The following SLC24A3 variants were observed in gnomAD, a reference collection of about 807,000 sequenced individuals.
SLC24A3 encodes sodium/potassium/calcium exchanger 3.
SLC24A3 carries 28 observed loss-of-function variants against 75.8 expected under a neutral mutation model. The ratio of observed to expected loss-of-function variants is 0.37; its 90% CI spans 0.27 to 0.51. SLC24A3 has a LOEUF of 0.51. Among genes scored for constraint, SLC24A3 ranks in the 20% least tolerant of loss-of-function variants. The probability of loss-of-function intolerance (pLI) is 0.94; values close to 1 mark genes in which losing one functional copy is unlikely to be tolerated. For missense variants in SLC24A3, 663 were observed against 847.8 expected (o/e 0.78, Z 2.71); for synonymous variants, 372 against 334.1 (o/e 1.11, Z -1.24).
At chr20:19,249,166 G>A (rs1270509314) in intron 1 of SLC24A3, among the ~76,000 whole-genome samples, 1 of 152,088 alleles carries the variant, frequency 6.6e-6, no homozygotes, top group African/African-American at 2.4e-5. Flanking sequence ...ATTTGTCAAT[G>A]TGCAGTTGAA....
intron 3 of SLC24A3, among the ~76,000 whole-genome samples, chr20:19,517,459 GT>G (rs1297647102): frequency 6.6e-6 from 1 of 152,174 alleles, no homozygotes; most frequent in Non-Finnish European, 1.5e-5. Context: ...ACCCAGGAAG[GT>G]TTCTGGTGTC....
At chr20:19,537,771 T>C (rs1164629673) in intron 3 of SLC24A3, among the ~76,000 whole-genome samples, 1 of 149,908 alleles carries the variant, frequency 6.7e-6, no homozygotes, top group Non-Finnish European at 1.5e-5. Context: ...AGCAAACTAT[T>C]GCAAGGACAA....
intron 2 of SLC24A3, among the ~76,000 whole-genome samples, chr20:19,359,739 TG>T (rs2122338009): frequency 6.6e-6 from 1 of 152,322 alleles, no homozygotes; most frequent in East Asian, 1.9e-4. Context: ...CTCTGCTTTC[TG>T]ACTGTTTGGA....
At chr20:19,490,879 T>G (rs1248736876) in intron 2 of SLC24A3, among the ~76,000 whole-genome samples, 15 of 152,230 alleles carry the variant, frequency 9.9e-5, no homozygotes, top group Admixed American at 9.8e-4. Context: ...AATGGCTGGC[T>G]TGCAGGAAAC....
At chr20:19,416,046 G>C (rs896551281) in intron 2 of SLC24A3, among the ~76,000 whole-genome samples, 2 of 152,122 alleles carry the variant, frequency 1.3e-5, no homozygotes, top group Non-Finnish European at 2.9e-5. Context: ...TAACTCCACT[G>C]AGCCTCAGTT....
intron 15 of SLC24A3, among the ~76,000 whole-genome samples, chr20:19,704,083 A>G (rs896668076): frequency 5.9e-5 from 9 of 152,294 alleles, no homozygotes; most frequent in African/African-American, 2.2e-4. Flanking sequence ...CTATGCATTT[A>G]TTATTTTGTT....
intron 4 of SLC24A3, among the ~76,000 whole-genome samples, chr20:19,582,507 A>C (rs960463239): frequency 6.6e-6 from 1 of 152,242 alleles, no homozygotes; most frequent in African/African-American, 2.4e-5. Flanking sequence ...AGGCAAAGAA[A>C]AGAAAATGGG....
At chr20:19,360,089 G>A (rs371159789) in intron 2 of SLC24A3, among the ~76,000 whole-genome samples, 1 of 152,158 alleles carries the variant, frequency 6.6e-6, no homozygotes, top group South Asian at 2.1e-4. Flanking sequence ...TGGAAACTGG[G>A]GAGACCTCCA....
intron 2 of SLC24A3, among the ~76,000 whole-genome samples, chr20:19,496,121 G>A (rs6046142): frequency 0.13 from 19,939 of 152,158 alleles, 1,574 homozygotes; most frequent in Middle Eastern, 0.21. Flanking sequence ...GGCTGGCACA[G>A]GGAATGGAAA....
intron 2 of SLC24A3, among the ~76,000 whole-genome samples, chr20:19,493,415 G>GAA (rs906171685): frequency 1.2e-4 from 19 of 152,174 alleles, no homozygotes; most frequent in African/African-American, 4.6e-4. Flanking sequence ...ATTTACTGAT[G>GAA]AATGCAACAC....
intron 2 of SLC24A3, among the ~76,000 whole-genome samples, chr20:19,459,321 A>G (rs1385624029): frequency 2.0e-5 from 3 of 152,190 alleles, no homozygotes; most frequent in Non-Finnish European, 4.4e-5. Flanking sequence ...ACCTGCCACC[A>G]TGTGCCTCTA....
intron 15 of SLC24A3, among the ~76,000 whole-genome samples, chr20:19,707,798 A>G (rs1475855004): frequency 6.6e-6 from 1 of 152,240 alleles, no homozygotes. Flanking sequence ...ATTTAAGATG[A>G]CATACCAAAT....
chr20:19,322,365 CCCTTCCTTCCTTCCTTCCTTCCTTCCTT>C (rs59240769), intron 2 of SLC24A3, among the ~76,000 whole-genome samples: 1 of 80,022 alleles, frequency 1.2e-5, no homozygotes, highest in Non-Finnish European at 2.3e-5. Context: ...TTCCTTCCTT[CCCTTCCTTCCTTCCTTCCTTCCTTCCTT>C]CCTTCCTTCC....
chr20:19,585,442 G>A lies in SLC24A3; in HGVS notation c.510G>A (p.Gly170=), dbSNP rs995147257. The stretch of plus-strand genomic sequence containing the variant: ...GCTGATGTGGGATCTGTGTTTCAGG[G>A]GTCTTCATCACCAAAGGCGATGTGG... ...SAPELFTSVI[G]VFITKGDVGV... Residue 170 remains glycine, a splice_region_variant and synonymous_variant, in exon 6 of 17, where the codon GGG becomes GGA. Coordinates refer to ENST00000328041, the MANE Select transcript of SLC24A3 (RefSeq NM_020689.4). The A allele has an allele frequency of 5.3e-5, 85 of 1,613,950 alleles. No homozygotes were observed. Among genetic ancestry groups the A allele is most frequent in the Non-Finnish European group, 7.1e-5 (84 of 1,179,898 alleles).
intron 8 of SLC24A3, among the ~76,000 whole-genome samples, chr20:19,672,386 G>A (rs530809695): frequency 6.8e-4 from 103 of 152,206 alleles, no homozygotes; most frequent in African/African-American, 2.3e-3. Flanking sequence ...CCAGGCTGTC[G>A]TGCAGTGGTG....
chr20:19,595,261 A>G (rs1463659165), intron 6 of SLC24A3, among the ~76,000 whole-genome samples: 1 of 152,180 alleles, frequency 6.6e-6, no homozygotes, highest in Non-Finnish European at 1.5e-5. Context: ...TGAGCTCCCC[A>G]AGAATGCAGC....
At chr20:19,272,519 GTT>G in intron 1 of SLC24A3, among the ~76,000 whole-genome samples, 1 of 152,372 alleles carries the variant, frequency 6.6e-6, no homozygotes, top group Non-Finnish European at 1.5e-5. Flanking sequence ...TGCAGGTGAT[GTT>G]GATGCCGCTG....
At chr20:19,511,575 C>T (rs1169356035) in intron 2 of SLC24A3, among the ~76,000 whole-genome samples, 1 of 152,190 alleles carries the variant, frequency 6.6e-6, no homozygotes, top group South Asian at 2.1e-4. Context: ...GATCCGCCCA[C>T]ATCGGCCTCC....
intron 2 of SLC24A3, among the ~76,000 whole-genome samples, chr20:19,393,019 A>T (rs1376708454): frequency 6.6e-6 from 1 of 152,198 alleles, no homozygotes; most frequent in African/African-American, 2.4e-5. Flanking sequence ...ACACCTGGTT[A>T]TCCTCAAGCA....
Sources: allele counts gnomAD v4.1 joint callset (sites outside exome capture counted in the v4.1 genomes callset), GRCh38; gene constraint gnomAD v4.1.1; transcripts MANE v1.5; gene names NCBI Gene and HGNC (gene_info 2026-07-23, HGNC 2026-07-21).